Variants in HECW2 observed in about 807,000 individuals in gnomAD.
HECW2 encodes the protein HECT, C2 and WW domain containing E3 ubiquitin protein ligase 2.
In HECW2, 61 loss-of-function variants were observed where a neutral mutation model predicts 175.2. The observed-to-expected ratio is 0.35, with a 90% CI of 0.28 to 0.43. HECW2 has a LOEUF of 0.43. Ranked by LOEUF, HECW2 falls within the 20% of genes least tolerant of loss-of-function variation. HECW2 has a pLI of 1.00. For missense variants in HECW2, 1,524 were observed against 2,000.5 expected, an observed-to-expected ratio of 0.76 and a Z score of 4.54; for synonymous variants, 671 against 731.0, an observed-to-expected ratio of 0.92 and a Z score of 1.32.
At chr2:196,404,803 T>C (rs900352810) in intron 2 of HECW2, among the ~76,000 whole-genome samples, 2 of 144,700 alleles carry the variant, frequency 1.4e-5, no homozygotes, top group Admixed American at 1.5e-4. Context: ...ATTTCTTTTT[T>C]TTTCTTTTTT....
In HECW2 at chr2:196,318,640, G is replaced by T. The variant is rs371042902; in HGVS notation, c.2250C>A (p.Ala750=). ...TGCCTTCTTCTTGCGGTGGGCTCTCGGCAGCAGCTGCAGCTCCCTCCAGGC... is the reference window on the plus strand; with the variant it reads ...TGCCTTCTTCTTGCGGTGGGCTCTCTGCAGCAGCTGCAGCTCCCTCCAGGC... ...RGSLEGAAAA[A]ESPPQEEGSA... Residue 750 remains alanine, a synonymous_variant, in exon 9 of 29, where the codon GCC becomes GCA. Coordinates refer to ENST00000644978, the MANE Select transcript of HECW2 (RefSeq NM_001348768.2). The T allele has an allele frequency of 1.9e-6, 3 of 1,597,732 alleles. No individual in the cohort carries two copies. Among genetic ancestry groups the T allele is most frequent in the African/African-American group, 1.3e-5 (1 of 74,388 alleles).
intron 23 of HECW2, among the ~76,000 whole-genome samples, chr2:196,222,621 G>A (rs1230486905): frequency 1.3e-5 from 2 of 152,200 alleles, no homozygotes; most frequent in South Asian, 2.1e-4. Context: ...TGCAAAGAAT[G>A]AGTGCCATCT....
At chr2:196,246,983 C>T (rs532413378) in intron 19 of HECW2, among the ~76,000 whole-genome samples, 1 of 152,250 alleles carries the variant, frequency 6.6e-6, no homozygotes, top group East Asian at 1.9e-4. Flanking sequence ...AGTAAATTGG[C>T]TGGGTACGGT....
intron 4 of HECW2, chr2:196,331,027 C>T (rs1012514881): frequency 2.2e-5 from 9 of 402,218 alleles, no homozygotes; most frequent in South Asian, 1.0e-4. Flanking sequence ...CATCACTAAT[C>T]CAAGCAAAGT....
At position 196,257,815 on chromosome 2, in the gene HECW2, G is replaced by T. The variant is rs184195465; in HGVS notation, c.3419+8C>A. Reference sequence around the variant, plus strand: ...CTTCTGCTTCAAGAGTGAGTGTTACGTATGTACCTCAGCAACATAACAAGG... The same window carrying T: ...CTTCTGCTTCAAGAGTGAGTGTTACTTATGTACCTCAGCAACATAACAAGG... On this transcript the variant is annotated splice_region_variant and intron_variant, in intron 18 of 28. Transcript: ENST00000644978. 4 of 1,600,534 alleles carry T rather than the reference G, an allele frequency of 2.5e-6. No homozygotes were observed. Among genetic ancestry groups the T allele is most frequent in the Admixed American group, 1.7e-5 (1 of 59,944 alleles).
At chr2:196,437,231 A>T (rs967261093) in intron 1 of HECW2, among the ~76,000 whole-genome samples, 2 of 152,036 alleles carry the variant, frequency 1.3e-5, no homozygotes, top group Non-Finnish European at 1.5e-5. Flanking sequence ...AGAAACTACC[A>T]AGGAAGAGTA....
At chr2:196,478,319 C>T (rs1686727689) in intron 1 of HECW2, among the ~76,000 whole-genome samples, 1 of 152,162 alleles carries the variant, frequency 6.6e-6, no homozygotes, top group Non-Finnish European at 1.5e-5. Flanking sequence ...CACTGAAGTC[C>T]CTGCTCAACT....
At chr2:196,409,551 C>T (rs190392797) in intron 2 of HECW2, among the ~76,000 whole-genome samples, 48 of 152,262 alleles carry the variant, frequency 3.2e-4, no homozygotes, top group Admixed American at 7.2e-4. Context: ...ATTTGGCCAA[C>T]GCACCACACT....
In HECW2 at chr2:196,526,590, T is replaced by C. The variant is rs1034861474; in HGVS notation, c.-36+66918A>G. Among the ~76,000 whole-genome samples the C allele has an allele frequency of 4.0e-5, 6 of 148,442 alleles. No individual in the cohort carries two copies. In the East Asian group the frequency reaches 1.2e-3, roughly 29 times the overall value. On this transcript the variant is annotated intron_variant, in intron 1 of 28. Coordinates refer to ENST00000644978, the MANE Select transcript of HECW2 (RefSeq NM_001348768.2). ...AGTTTCCAGTTTTTCTGTTCTGTTTTTTCCCCATCTTTGTGGTTTTATCTA... is the reference window on the plus strand; with the variant it reads ...AGTTTCCAGTTTTTCTGTTCTGTTTCTTCCCCATCTTTGTGGTTTTATCTA...
chr2:196,371,167 T>A (rs1394664149), intron 2 of HECW2, among the ~76,000 whole-genome samples: 2 of 152,228 alleles, frequency 1.3e-5, no homozygotes, highest in African/African-American at 2.4e-5. Context: ...ATACAGGTAC[T>A]CTTTGAACCA....
chr2:196,445,886 T>C (rs1358196997), intron 1 of HECW2, among the ~76,000 whole-genome samples: 1 of 152,190 alleles, frequency 6.6e-6, no homozygotes, highest in Non-Finnish European at 1.5e-5. Context: ...CTTCACTCTA[T>C]CCAGCCACCA....
chr2:196,357,784 C>T (rs1240198095), intron 2 of HECW2, among the ~76,000 whole-genome samples: 2 of 152,144 alleles, frequency 1.3e-5, no homozygotes, highest in Admixed American at 6.5e-5. Flanking sequence ...GTTTTCCCTG[C>T]TTTTGCTCAC....
Position 196,200,417 on chromosome 2 carries a change from A to C in HECW2, c.*860T>G, listed in dbSNP as rs540326982. On this transcript the variant is annotated 3_prime_UTR_variant, in exon 29 of 29. Coordinates refer to ENST00000644978, the MANE Select transcript of HECW2 (RefSeq NM_001348768.2). ...TAGCATGATGCCCGAGTATGCATGGAACATGAAAATGGAATGAGTGATACA... is the reference window on the plus strand; with the variant it reads ...TAGCATGATGCCCGAGTATGCATGGCACATGAAAATGGAATGAGTGATACA... The C allele has an allele frequency of 4.6e-5, 7 of 152,688 alleles. No individual in the cohort carries two copies. Among genetic ancestry groups the C allele is most frequent in the African/African-American group, 1.7e-4 (7 of 41,542 alleles). 9.5% of individuals were successfully genotyped at this position (152,688 alleles called of 1,614,324 possible).
chr2:196,220,586 A>G (rs1355313854), intron 25 of HECW2, among the ~76,000 whole-genome samples: 1 of 152,248 alleles, frequency 6.6e-6, no homozygotes, highest in Non-Finnish European at 1.5e-5. Flanking sequence ...AATGCAGTCC[A>G]TAACATTTAT....
chr2:196,374,045 T>A (rs866136243), intron 2 of HECW2, among the ~76,000 whole-genome samples: 9,093 of 123,342 alleles, frequency 0.074, 343 homozygotes, highest in South Asian at 0.11. Flanking sequence ...AAAAATAAAA[T>A]AAAATAAATA....
chr2:196,534,487 G>C (rs905947160), intron 1 of HECW2, among the ~76,000 whole-genome samples: 1 of 152,124 alleles, frequency 6.6e-6, no homozygotes, highest in African/African-American at 2.4e-5. Context: ...ATAGCCTAAG[G>C]AGCATGGAAG....
chr2:196,222,284 T>C lies in HECW2; in HGVS notation c.4073A>G (p.Gln1358Arg). 1 of 1,613,630 alleles carries C rather than the reference T, an allele frequency of 6.2e-7. No homozygotes were observed. Among genetic ancestry groups the C allele is most frequent in the East Asian group, 2.2e-5 (1 of 44,868 alleles). The stretch of plus-strand genomic sequence containing the variant: ...ATGGATATCATTGTCTTTCATCCAC[T>C]GCAGGCTCTGATGGAACTCTTCATC... ...YLDEEFHQSLQWMKDNDIHDI... is the reference protein window; with the variant it reads ...YLDEEFHQSLRWMKDNDIHDI... Residue 1358 changes from glutamine to arginine, a missense_variant, in exon 24 of 29, where the codon CAG becomes CGG. By Grantham distance (43) the Gln-to-Arg change is conservative (BLOSUM62 1). Around this residue, in one of 11 missense-constraint regions of HECW2, gnomAD observed 134 missense variants for 287.8 expected, o/e 0.47. Coordinates refer to ENST00000644978, the MANE Select transcript of HECW2 (RefSeq NM_001348768.2).
At chr2:196,327,459 C>A (rs776238858) in intron 5 of HECW2, among the ~76,000 whole-genome samples, 1 of 152,114 alleles carries the variant, frequency 6.6e-6, no homozygotes, top group African/African-American at 2.4e-5. Context: ...AAAGGTTTGA[C>A]GTGTTAAATA....
chr2:196,222,581 C>T (rs1437754136), intron 23 of HECW2, among the ~76,000 whole-genome samples: 5 of 152,126 alleles, frequency 3.3e-5, no homozygotes, highest in Non-Finnish European at 5.9e-5. Context: ...ATTCAGCCTG[C>T]GTCTTCCTTT....
Sources: gnomAD v4.1 joint callset for allele counts (sites outside exome capture counted in the v4.1 genomes callset) on GRCh38, gnomAD v4.1.1 for gene constraint, gnomAD v4.1.1 regional missense constraint, MANE v1.5 for transcripts, NCBI Gene and HGNC (gene_info 2026-07-23, HGNC 2026-07-21) for gene names.